MARCHF2: variants seen among roughly 807,000 people sequenced by gnomAD.
The protein encoded by MARCHF2 is membrane associated ring-CH-type finger 2, also known as E3 ubiquitin-protein ligase MARCHF2.
A neutral mutation model predicts 24.0 loss-of-function variants in MARCHF2; 22 were observed. The ratio of observed to expected loss-of-function variants is 0.92; its 90% CI spans 0.66 to 1.31. The LOEUF (loss-of-function observed/expected upper bound fraction) is 1.31, where lower values mean the gene tolerates loss of function less well. MARCHF2 is among the 50% of genes most tolerant of loss of function. The pLI, the probability that MARCHF2 is intolerant of heterozygous loss-of-function variation, is 0.00. For missense variants in MARCHF2, 301 were observed against 335.3 expected (o/e 0.90, Z 0.80); for synonymous variants, 154 against 153.0 (o/e 1.01, Z -0.05).
intron 4 of MARCHF2, among the ~76,000 whole-genome samples, chr19:8,436,746 G>A (rs967339105): frequency 2.1e-5 from 3 of 140,814 alleles, no homozygotes; most frequent in Admixed American, 7.8e-5. Flanking sequence ...GAAGTGGAGC[G>A]ATCTCGGCTT....
chr19:8,424,069 G>T (rs1033472386), intron 2 of MARCHF2, among the ~76,000 whole-genome samples: 1 of 151,438 alleles, frequency 6.6e-6, no homozygotes, highest in East Asian at 1.9e-4. Flanking sequence ...GCTCTTCTTT[G>T]TGTGACCTCA....
At position 8,438,592 on chromosome 19, in the gene MARCHF2, G is replaced by A; in HGVS notation, c.*46G>A. ...TGCAGCAGAGAGGCCAGAGGTAGCT[G>A]GTGATACCCTGTCCTGTGGAAGGAC... On this transcript the variant is annotated 3_prime_UTR_variant, in exon 5 of 5. Transcript: ENST00000215555. 1 of 1,596,420 alleles carries A rather than the reference G, an allele frequency of 6.3e-7. No individual in the cohort carries two copies. Among genetic ancestry groups the A allele is most frequent in the South Asian group, 1.1e-5 (1 of 89,690 alleles).
intron 1 of MARCHF2, among the ~76,000 whole-genome samples, chr19:8,421,234 C>T (rs1297536555): frequency 6.6e-5 from 10 of 151,614 alleles, no homozygotes; most frequent in African/African-American, 1.7e-4. Flanking sequence ...GCGATTGTCC[C>T]GCCTCAGCCT....
intron 1 of MARCHF2, among the ~76,000 whole-genome samples, chr19:8,417,748 CTTTTTTTTTTTTTTTTT>C (rs71175853): frequency 6.3e-4 from 17 of 26,870 alleles, no homozygotes; most frequent in South Asian, 2.8e-3. Flanking sequence ...AATACCCTGT[CTTTTTTTTTTTTTTTTT>C]TTTTTTTTTT....
At chr19:8,416,055 A>G (rs964298462) in intron 1 of MARCHF2, among the ~76,000 whole-genome samples, 2 of 151,988 alleles carry the variant, frequency 1.3e-5, no homozygotes, top group Non-Finnish European at 2.9e-5. Context: ...AGAAATGACT[A>G]CAACATGGCC....
chr19:8,421,080 T>G (rs1967223434), intron 1 of MARCHF2, among the ~76,000 whole-genome samples: 1 of 151,676 alleles, frequency 6.6e-6, no homozygotes, highest in Non-Finnish European at 1.5e-5. Context: ...ACTATAGACA[T>G]GAGCCACCAC....
chr19:8,427,516 AC>A lies in MARCHF2; in HGVS notation c.372+713del, dbSNP rs1284057847. Among the ~76,000 whole-genome samples the A allele has an allele frequency of 3.8e-5, 5 of 132,656 alleles. No individual in the cohort carries two copies. The East Asian group carries it at 1.2e-3, about 33-fold the overall frequency. The allele number at this position is 132,656 out of a possible 152,430, so 87.0% of individuals were successfully genotyped here. On this transcript the variant is annotated intron_variant, in intron 3 of 4. Transcript: ENST00000215555. ...AAAGCATCGCTTCTGATATGAGGTTACAGAAAAAAAAAAAAAAAATCAACGA... is the reference window on the plus strand; with the variant it reads ...AAAGCATCGCTTCTGATATGAGGTTAAGAAAAAAAAAAAAAAAATCAACGA...
intron 2 of MARCHF2, among the ~76,000 whole-genome samples, chr19:8,425,718 G>C (rs1252748107): frequency 6.6e-5 from 10 of 151,546 alleles, no homozygotes; most frequent in Admixed American, 6.6e-4. Context: ...CCAGGCTGAA[G>C]TGATACTCCT....
At chr19:8,426,586 A>C in intron 2 of MARCHF2, 23 bp from the exon 3 acceptor site, 1 of 1,605,462 alleles carries the variant, frequency 6.2e-7, no homozygotes. Context: ...ATCATTGCTC[A>C]TGGGTCCTAT....
Position 8,433,689 on chromosome 19 carries a change from A to G in MARCHF2, c.582+2822A>G, listed in dbSNP as rs568922473. ...AGACTCCGTCTCAAAAAAAAAAAAAAAAAAGAAAAGAAAAGAAAAGAAAAA... is the reference window on the plus strand; with the variant it reads ...AGACTCCGTCTCAAAAAAAAAAAAAGAAAAGAAAAGAAAAGAAAAGAAAAA... On this transcript the variant is annotated intron_variant, in intron 4 of 4. Transcript: ENST00000215555. Among the ~76,000 whole-genome samples the G allele has an allele frequency of 5.2e-4, 79 of 151,142 alleles. No homozygotes were observed. In the Middle Eastern group the frequency reaches 0.01, roughly 20 times the overall value.
intron 1 of MARCHF2, 147 bp downstream of exon 1, chr19:8,413,567 G>T (rs950983445): frequency 1.4e-4 from 22 of 152,190 alleles, no homozygotes; most frequent in Admixed American, 6.5e-5. Context: ...CTCAGTTCCC[G>T]TGTCAAGGCC....
At position 8,430,762 on chromosome 19, in the gene MARCHF2, C is replaced by T. The variant is rs772827487; in HGVS notation, c.477C>T (p.Cys159=). Reference sequence around the variant, plus strand: ...TGGCCGCCATCTCAGGCTGGTTGTGCCTGCGCGGGGCCCAGGACCACCTCC... The same window carrying T: ...TGGCCGCCATCTCAGGCTGGTTGTGTCTGCGCGGGGCCCAGGACCACCTCC... ...TPLAAISGWL[C]LRGAQDHLRL... Residue 159 remains cysteine (C), a synonymous_variant, in exon 4 of 5, where the codon TGC becomes TGT. Coordinates refer to ENST00000215555, the MANE Select transcript of MARCHF2 (RefSeq NM_001005415.2). The surrounding 1 kb of genome is among the most constrained non-coding windows in gnomAD (Gnocchi z 4.4). 1.2e-6 allele frequency: 2 copies of T among 1,611,300 alleles called. No homozygotes were observed. Among genetic ancestry groups the T allele is most frequent in the Non-Finnish European group, 8.5e-7 (1 of 1,180,012 alleles).
chr19:8,438,284 C>T, intron 4 of MARCHF2, 104 bp from the exon 5 acceptor site: 1 of 1,171,180 alleles, frequency 8.5e-7, no homozygotes. Context: ...CTTCTGGAAG[C>T]ATGAGCCCCA....
chr19:8,437,101 T>C (rs373588028), intron 4 of MARCHF2, among the ~76,000 whole-genome samples: 2 of 151,556 alleles, frequency 1.3e-5, no homozygotes, highest in East Asian at 1.9e-4. Flanking sequence ...TACCCCAGCC[T>C]CCTAAGTAGC....
In MARCHF2 at chr19:8,430,780, C is replaced by T; in HGVS notation, c.495C>T (p.Asp165=). ...SGWLCLRGAQ[D]HLRLHSQLEA... is the part of the protein sequence containing the mutation. ...GGTTGTGCCTGCGCGGGGCCCAGGA[C>T]CACCTCCGGCTCCACAGCCAGCTGG... The change falls in exon 4 of 5, where the codon GAC becomes GAT. Residue 165 remains aspartate (D), a synonymous_variant. Transcript: ENST00000215555. The surrounding 1 kb of genome is among the most constrained non-coding windows in gnomAD (Gnocchi z 4.4). The T allele has an allele frequency of 6.2e-7, 1 of 1,611,162 alleles. No individual in the cohort carries two copies. The highest frequency in any genetic ancestry group is 8.5e-7 in the Non-Finnish European group (1 of 1,180,022).
intron 2 of MARCHF2, among the ~76,000 whole-genome samples, chr19:8,424,763 C>T (rs1967351668): frequency 6.6e-6 from 1 of 152,162 alleles, no homozygotes; most frequent in Non-Finnish European, 1.5e-5. Context: ...TAGGCAGCTG[C>T]AGGAGCTCCA....
At chr19:8,428,748 G>C (rs1474323302) in intron 3 of MARCHF2, among the ~76,000 whole-genome samples, 1 of 148,104 alleles carries the variant, frequency 6.8e-6, no homozygotes, top group African/African-American at 2.5e-5. Context: ...TGGATCACCT[G>C]AGTTCAGGAG....
At chr19:8,415,718 T>C (rs1967059229) in intron 1 of MARCHF2, among the ~76,000 whole-genome samples, 2 of 34,404 alleles carry the variant, frequency 5.8e-5, no homozygotes, top group South Asian at 1.0e-3. Context: ...TGAAACTCCA[T>C]CTCAAAAAAA....
rs1568239458 is a variant in MARCHF2, at chr19:8,428,677, A to AAAAAAAC, written c.372+1874_372+1880dup. On this transcript the variant is annotated intron_variant, in intron 3 of 4. Transcript: ENST00000215555. ...AAAAAAAAAAAAAAAAAAAAAAAAA[A>AAAAAAAC]AAAAAACCAAGGCTGGACGTGGTGG... is the stretch of plus-strand genomic sequence containing the variant. 1.3e-4 allele frequency among the ~76,000 whole-genome samples: 18 copies of AAAAAAAC among 139,970 alleles called. 2 individuals carry two copies. Among genetic ancestry groups the AAAAAAAC allele is most frequent in the African/African-American group, 4.8e-4 (18 of 37,856 alleles). 91.8% of individuals were successfully genotyped at this position (139,970 alleles called of 152,430 possible).
Sources: gnomAD v4.1 joint callset for allele counts (sites outside exome capture counted in the v4.1 genomes callset) on GRCh38, gnomAD v4.1.1 for gene constraint, Gnocchi (gnomAD v3.1) non-coding constraint, MANE v1.5 for transcripts, NCBI Gene and HGNC (gene_info 2026-07-23, HGNC 2026-07-21) for gene names.